NPHP3: variants seen among roughly 807,000 people sequenced by gnomAD.
NPHP3 encodes the protein nephrocystin 3.
NPHP3 carries 123 observed loss-of-function variants against 171.9 expected under a neutral mutation model. The observed-to-expected ratio is 0.72, with a 90% CI of 0.62 to 0.83. The LOEUF is 0.83. Among genes scored for constraint, NPHP3 ranks in the 40% least tolerant of loss-of-function variants. The pLI, the probability that NPHP3 is intolerant of heterozygous loss-of-function variation, is 0.00. For missense variants in NPHP3, 1,506 were observed against 1,591.9 expected (o/e 0.95, Z 0.92); for synonymous variants, 558 against 579.2 (o/e 0.96, Z 0.52).
intron 10 of NPHP3, 122 bp downstream of exon 10, chr3:132,701,308 C>T (rs2107982349): frequency 2.9e-6 from 2 of 695,948 alleles, no homozygotes; most frequent in East Asian, 2.8e-5. Flanking sequence ...TTGTTTTATT[C>T]CTTTTTACTT....
intron 24 of NPHP3, 91 bp from the exon 25 acceptor site, chr3:132,683,615 G>T: frequency 9.4e-7 from 1 of 1,058,792 alleles, no homozygotes; most frequent in Admixed American, 2.3e-5. Flanking sequence ...TCATATTAAA[G>T]GGTAATTTTG....
chr3:132,722,104 C>T lies in NPHP3; in HGVS notation c.252G>A (p.Leu84=). 1 of 1,608,040 alleles carries T rather than the reference C, an allele frequency of 6.2e-7. No individual in the cohort carries two copies. Among genetic ancestry groups the T allele is most frequent in the Non-Finnish European group, 8.5e-7 (1 of 1,179,690 alleles). Reference sequence around the variant, plus strand: ...GCTCGTACTCGGCCGCCGCGTACTCCAGCTCTGGCACCGACGAGCCAGTGG... The same window carrying T: ...GCTCGTACTCGGCCGCCGCGTACTCTAGCTCTGGCACCGACGAGCCAGTGG... ...FKSTGSSVPE[L]EYAAAEYERL... Residue 84 remains leucine (L), a synonymous_variant, in exon 1 of 27, where the codon CTG becomes CTA. Transcript: ENST00000337331.
At position 132,691,174 on chromosome 3, in the gene NPHP3, C is replaced by A; in HGVS notation, c.2570+18G>T. 1 of 1,574,746 alleles carries A rather than the reference C, an allele frequency of 6.4e-7. No individual in the cohort carries two copies. The highest frequency in any genetic ancestry group is 8.7e-7 in the Non-Finnish European group (1 of 1,144,386). On this transcript the variant is annotated intron_variant, in intron 18 of 26. Transcript: ENST00000337331. ...TGTTGCAGAAGTTACAGAAGAACAA[C>A]AGGAACATTTACAATACCTTAGCTG...
intron 6 of NPHP3, among the ~76,000 whole-genome samples, chr3:132,711,552 A>T (rs1476737731): frequency 6.6e-5 from 10 of 152,124 alleles, no homozygotes; most frequent in African/African-American, 2.4e-4. Flanking sequence ...ATGTTTTATT[A>T]AAAAGTAAGG....
chr3:132,685,809 T>TGG (rs1939139846), intron 23 of NPHP3: 1 of 176,538 alleles, frequency 5.7e-6, no homozygotes, highest in African/African-American at 2.4e-5. Flanking sequence ...CCTAGCACTT[T>TGG]GGGAAGCCAA....
chr3:132,712,490 G>A (rs1377520280), intron 6 of NPHP3: 2 of 456,726 alleles, frequency 4.4e-6, no homozygotes, highest in Non-Finnish European at 4.4e-6. Context: ...GAATGGGCCA[G>A]GTGTGTTGGC....
In NPHP3 at chr3:132,689,080, G is replaced by C. The variant is rs780410089; in HGVS notation, c.2877C>G (p.Leu959=). 3.1e-6 allele frequency: 5 copies of C among 1,614,108 alleles called. No homozygotes were observed. Among genetic ancestry groups the C allele is most frequent in the Non-Finnish European group, 4.2e-6 (5 of 1,179,984 alleles). Residue 959 remains leucine (L), a synonymous_variant, in exon 20 of 27, where the codon CTC becomes CTG. Coordinates refer to ENST00000337331, the MANE Select transcript of NPHP3 (RefSeq NM_153240.5). ...ATTGATCTGCTGAGCTTACCTGACT[G>C]AGAAGGCCTAGATCCTTGAGAAATC... is the stretch of plus-strand genomic sequence containing the variant. ...LGRFLKDLGL[L]SQAIVPLQRS...
At chr3:132,697,413 G>GT (rs779240698) in intron 13 of NPHP3, 51 bp from the exon 14 acceptor site, 52 of 1,172,056 alleles carry the variant, frequency 4.4e-5, no homozygotes, top group Admixed American at 1.9e-4. Context: ...AACAAGAACT[G>GT]TAATTACCCA....
chr3:132,691,163 C>T (rs772235454), intron 18 of NPHP3, 29 bp downstream of exon 18: 3 of 1,512,572 alleles, frequency 2.0e-6, no homozygotes, highest in Admixed American at 1.7e-5. Flanking sequence ...GCAGAAGTTA[C>T]AGAAGAACAA....
In NPHP3 at chr3:132,681,786, T is replaced by C; in HGVS notation, c.*124A>G. ...GTAATCCAATACAACTTCATACAAA[T>C]AGCAGTTAAATCACACGTAGTAAAA... On this transcript the variant is annotated 3_prime_UTR_variant, in exon 27 of 27. Coordinates refer to ENST00000337331, the MANE Select transcript of NPHP3 (RefSeq NM_153240.5). 5.1e-6 allele frequency: 4 copies of C among 783,810 alleles called. No homozygotes were observed. Among genetic ancestry groups the C allele is most frequent in the African/African-American group, 1.7e-5 (1 of 58,460 alleles). 48.6% of individuals were successfully genotyped at this position (783,810 alleles called of 1,614,324 possible).
intron 16 of NPHP3, chr3:132,693,189 C>T: frequency 5.0e-6 from 1 of 199,770 alleles, no homozygotes; most frequent in South Asian, 8.1e-5. Context: ...TTTCTAAAAG[C>T]ACAGTTTTTA....
At chr3:132,719,919 T>A in intron 1 of NPHP3, 89 bp from the exon 2 acceptor site, 9 of 492,464 alleles carry the variant, frequency 1.8e-5, no homozygotes, top group Non-Finnish European at 2.7e-5. Context: ...TATATATATA[T>A]GTTACGTATC....
intron 10 of NPHP3, among the ~76,000 whole-genome samples, 165 bp downstream of exon 10, chr3:132,701,265 T>C (rs921432630): frequency 6.6e-6 from 1 of 152,200 alleles, no homozygotes; most frequent in Non-Finnish European, 1.5e-5. Flanking sequence ...CTCTCTAACA[T>C]CCAAATTCTA....
chr3:132,708,304 C>T, intron 6 of NPHP3, 47 bp from the exon 7 acceptor site: 1 of 1,578,176 alleles, frequency 6.3e-7, no homozygotes, highest in Non-Finnish European at 8.7e-7. Flanking sequence ...ATTGTGGCAG[C>T]AAGCAGTTAG....
In NPHP3 at chr3:132,680,881, G is replaced by T. The variant is rs1939007286; in HGVS notation, c.*1029C>A. On this transcript the variant is annotated 3_prime_UTR_variant, in exon 27 of 27. Transcript: ENST00000337331. The stretch of plus-strand genomic sequence containing the variant: ...GCCATCTAAGAAGGAAGATAAAGGA[G>T]AATGTCATATCTATATTTTGGGAAA... 6.6e-6 allele frequency: 1 copy of T among 152,154 alleles called. No individual in the cohort carries two copies. The highest frequency in any genetic ancestry group is 1.5e-5 in the Non-Finnish European group (1 of 68,026). 9.4% of individuals were successfully genotyped at this position (152,154 alleles called of 1,614,324 possible).
intron 2 of NPHP3, among the ~76,000 whole-genome samples, 172 bp downstream of exon 2, chr3:132,719,533 G>C (rs1338137435): frequency 2.0e-5 from 3 of 152,042 alleles, no homozygotes; most frequent in African/African-American, 7.3e-5. Flanking sequence ...ATGATCTCAA[G>C]TTTACCACGT....
At chr3:132,703,872 C>A (rs1939680402) in intron 9 of NPHP3, among the ~76,000 whole-genome samples, 1 of 152,220 alleles carries the variant, frequency 6.6e-6, no homozygotes, top group East Asian at 1.9e-4. Flanking sequence ...TGAGCCACTG[C>A]ACCTGGCCTC....
intron 25 of NPHP3, among the ~76,000 whole-genome samples, 196 bp downstream of exon 25, chr3:132,683,203 A>AAC (rs1280188082): frequency 6.6e-6 from 1 of 152,222 alleles, no homozygotes; most frequent in African/African-American, 2.4e-5. Context: ...GCTCTGAACT[A>AAC]ACAGTGTTTT....
At chr3:132,691,594 TAAAG>T (rs546476897) in intron 17 of NPHP3, among the ~76,000 whole-genome samples, 26 of 151,890 alleles carry the variant, frequency 1.7e-4, no homozygotes, top group African/African-American at 4.6e-4. Flanking sequence ...CAATACACAA[TAAAG>T]AAAGGAAAAA....
Sources: allele counts gnomAD v4.1 joint callset (sites outside exome capture counted in the v4.1 genomes callset), GRCh38; gene constraint gnomAD v4.1.1; transcripts MANE v1.5; gene names NCBI Gene and HGNC (gene_info 2026-07-23, HGNC 2026-07-21).